The following FSTL4 variants were observed in gnomAD, a reference collection of about 807,000 sequenced individuals.
The protein encoded by FSTL4 is follistatin-related protein 4.
In FSTL4, 28 loss-of-function variants were observed where a neutral mutation model predicts 78.2. The ratio of observed to expected loss-of-function variants is 0.36; its 90% confidence interval spans 0.27 to 0.49. The LOEUF is 0.49. Ranked by LOEUF, FSTL4 falls within the 20% of genes least tolerant of loss-of-function variation. FSTL4 has a pLI of 0.98. For synonymous variants in FSTL4, 422 were observed against 440.5 expected, an observed-to-expected ratio of 0.96 and a Z score of 0.53; for missense variants, 922 against 1,084.9, an observed-to-expected ratio of 0.85 and a Z score of 2.11.
rs142674299 is a variant in FSTL4 at position 133,335,323 on chromosome 5, C to T, written c.410-18671G>A. Among the ~76,000 whole-genome samples, 1,076 of 152,300 alleles carry T rather than the reference C, an allele frequency of 7.1e-3. 4 individuals carry two copies. Among genetic ancestry groups the T allele is most frequent in the Non-Finnish European group, 9.6e-3 (650 of 68,010 alleles). On this transcript the variant is annotated intron_variant, in intron 4 of 15. Coordinates refer to ENST00000265342, the MANE Select transcript of FSTL4 (RefSeq NM_015082.2). ...CCTGGCCTCGTCTGCCCTGCTCTCCCCTCCTAGGCTTCTCAAGGGTTTGAG... is the reference window on the plus strand; with the variant it reads ...CCTGGCCTCGTCTGCCCTGCTCTCCTCTCCTAGGCTTCTCAAGGGTTTGAG...
intron 3 of FSTL4, among the ~76,000 whole-genome samples, chr5:133,448,207 A>G (rs1034648626): frequency 6.6e-6 from 1 of 152,220 alleles, no homozygotes; most frequent in African/African-American, 2.4e-5. Flanking sequence ...TTCCCTCCCC[A>G]GGGCTGCCCT....
At chr5:133,669,624 G>A in the FSTL4 span, among the ~76,000 whole-genome samples, 4 of 152,280 alleles carry the variant, frequency 2.6e-5, no homozygotes, top group East Asian at 7.7e-4. Flanking sequence ...GGGAGCATCT[G>A]GGACTAGCAA....
chr5:133,199,378 T>C lies in FSTL4; in HGVS notation c.2246A>G (p.Tyr749Cys), dbSNP rs377355036. 1 of 1,614,098 alleles carries C rather than the reference T, an allele frequency of 6.2e-7. No individual in the cohort carries two copies. The highest frequency in any genetic ancestry group is 8.5e-7 in the Non-Finnish European group (1 of 1,180,014). ...CGTGTGCAGAGCCGCGTAGATGTTG[T>C]ATTGATTGCTTTCAGTGAAGGAGCG... ...FQRSFTESNQ[Y>C]NIYAALHTEP... Residue 749 changes from tyrosine (Y) to cysteine (C), a missense_variant, in exon 16 of 16, where the codon TAC (tyrosine) becomes TGC (cysteine). Physicochemically the swap from Tyr to Cys is radical, Grantham distance 194 (BLOSUM62 -2). Transcript: ENST00000265342. This position sits in a 1 kb window ranked among gnomAD's most constrained non-coding sequence, Gnocchi z 4.4.
chr5:133,308,547 T>C (rs562110430), intron 6 of FSTL4, among the ~76,000 whole-genome samples: 5 of 152,310 alleles, frequency 3.3e-5, no homozygotes, highest in African/African-American at 4.8e-5. Flanking sequence ...GGTGTGAGGA[T>C]TGGCTGAGAT....
intron 4 of FSTL4, among the ~76,000 whole-genome samples, chr5:133,371,577 A>C (rs1291786671): frequency 6.6e-6 from 1 of 152,182 alleles, no homozygotes; most frequent in Non-Finnish European, 1.5e-5. Context: ...CCAGGGGAAA[A>C]GCCTCCATTT....
the FSTL4 span, among the ~76,000 whole-genome samples, chr5:133,667,756 T>TATC: frequency 6.6e-6 from 1 of 152,370 alleles, no homozygotes; most frequent in East Asian, 1.9e-4. Context: ...TCATATTACT[T>TATC]AGCATCATCT....
chr5:133,824,352 T>C, the FSTL4 span, among the ~76,000 whole-genome samples: 1 of 152,152 alleles, frequency 6.6e-6, no homozygotes, highest in Non-Finnish European at 1.5e-5. Flanking sequence ...GGGAAACGCT[T>C]TACTTACATT....
chr5:133,798,990 AAG>A, the FSTL4 span, among the ~76,000 whole-genome samples: 1 of 67,930 alleles, frequency 1.5e-5, no homozygotes, highest in African/African-American at 7.7e-5. Context: ...GGGAGGGAGG[AAG>A]GGAGGGAGAG....
chr5:133,685,453 G>A, the FSTL4 span, among the ~76,000 whole-genome samples: 1 of 152,226 alleles, frequency 6.6e-6, no homozygotes, highest in Admixed American at 6.5e-5. Flanking sequence ...CCTAGCACAC[G>A]CTGTGTCTAC....
chr5:133,568,445 G>T (rs973163179), intron 2 of FSTL4, among the ~76,000 whole-genome samples: 2 of 152,136 alleles, frequency 1.3e-5, no homozygotes, highest in Admixed American at 1.3e-4. Flanking sequence ...TCAGAAGGGG[G>T]AGGCAATATT....
chr5:133,354,276 C>T (rs987826290), intron 4 of FSTL4, among the ~76,000 whole-genome samples: 10 of 152,348 alleles, frequency 6.6e-5, no homozygotes, highest in East Asian at 3.9e-4. Context: ...GAATGACACA[C>T]GCATGAGCCA....
the FSTL4 span, among the ~76,000 whole-genome samples, chr5:133,759,368 C>G: frequency 2.0e-5 from 3 of 152,170 alleles, no homozygotes; most frequent in African/African-American, 4.8e-5. Context: ...CTTGGCACAG[C>G]CCTTTCAGCG....
intron 14 of FSTL4, chr5:133,208,230 C>G (rs1417726779): frequency 6.6e-6 from 1 of 152,230 alleles, no homozygotes; most frequent in Non-Finnish European, 1.5e-5. Context: ...CCCTGAGTTC[C>G]TGCGTACCCG....
chr5:133,496,388 C>G (rs943093941), intron 3 of FSTL4, among the ~76,000 whole-genome samples: 1 of 152,220 alleles, frequency 6.6e-6, no homozygotes, highest in Non-Finnish European at 1.5e-5. Context: ...TGCTAACCCC[C>G]TTCAGAGGGC....
the FSTL4 span, among the ~76,000 whole-genome samples, chr5:133,701,548 T>A: frequency 1.4e-5 from 2 of 146,830 alleles, no homozygotes; most frequent in African/African-American, 5.1e-5. Context: ...ATGGCATTGC[T>A]GAGGAATGCA....
At chr5:133,524,618 T>C (rs1314327391) in intron 3 of FSTL4, among the ~76,000 whole-genome samples, 1 of 152,194 alleles carries the variant, frequency 6.6e-6, no homozygotes, top group Non-Finnish European at 1.5e-5. Flanking sequence ...CTGCGTCTCT[T>C]TGGACCCGTA....
intron 6 of FSTL4, 135 bp downstream of exon 6, chr5:133,312,519 A>G: frequency 1.4e-6 from 1 of 739,752 alleles, no homozygotes. Context: ...TTGTTGCAGA[A>G]CAAATTCACC....
chr5:133,766,634 G>C, the FSTL4 span, among the ~76,000 whole-genome samples: 1 of 152,212 alleles, frequency 6.6e-6, no homozygotes, highest in Non-Finnish European at 1.5e-5. Flanking sequence ...GAGTGCCTTG[G>C]CACAGTGAAA....
chr5:133,596,420 T>C (rs1203350278), intron 2 of FSTL4, among the ~76,000 whole-genome samples: 2 of 152,178 alleles, frequency 1.3e-5, no homozygotes, highest in African/African-American at 4.8e-5. Flanking sequence ...TTGCAAGAAA[T>C]AGAATATGAC....
Sources: allele counts gnomAD v4.1 joint callset (sites outside exome capture counted in the v4.1 genomes callset), GRCh38; gene constraint gnomAD v4.1.1; non-coding constraint Gnocchi (gnomAD v3.1); transcripts MANE v1.5; gene names NCBI Gene and HGNC (gene_info 2026-07-23, HGNC 2026-07-21).